PHACTR3: variants seen among roughly 807,000 people sequenced by gnomAD.
The protein encoded by PHACTR3 is protein phosphatase 1, regulatory subunit 123.
PHACTR3 carries 16 observed loss-of-function variants against 66.8 expected under a neutral mutation model. The ratio of observed to expected loss-of-function variants is 0.24; its 90% CI spans 0.16 to 0.36. PHACTR3 has a LOEUF of 0.36. Ranked by LOEUF, PHACTR3 falls within the 10% of genes least tolerant of loss-of-function variation. The probability of loss-of-function intolerance (pLI) is 1.00; values close to 1 mark genes in which losing one functional copy is unlikely to be tolerated. For missense variants in PHACTR3, 647 were observed against 719.9 expected, an observed-to-expected ratio of 0.90 and a Z score of 1.16; for synonymous variants, 323 against 292.1, an observed-to-expected ratio of 1.11 and a Z score of -1.08.
chr20:59,737,514 ATGTGTGCGTGTATG>A (rs567031787), intron 1 of PHACTR3, among the ~76,000 whole-genome samples: 4 of 130,924 alleles, frequency 3.1e-5, no homozygotes, highest in East Asian at 2.9e-4. Context: ...GTGTGCGTGC[ATGTGTGCGTGTATG>A]TGTGTGCGTG....
chr20:59,624,552 C>T (rs190905183), intron 1 of PHACTR3, among the ~76,000 whole-genome samples: 96 of 152,300 alleles, frequency 6.3e-4, no homozygotes, highest in African/African-American at 2.2e-3. Context: ...GTCTCCCTCC[C>T]ATGCTGCTCC....
At chr20:59,682,408 G>A (rs567460990) in intron 1 of PHACTR3, among the ~76,000 whole-genome samples, 2 of 152,166 alleles carry the variant, frequency 1.3e-5, no homozygotes, top group Non-Finnish European at 2.9e-5. Context: ...CAAAGTCTGC[G>A]GGGTCCCTAG....
chr20:59,770,383 TGCTTCA>T (rs2040320509), intron 5 of PHACTR3, among the ~76,000 whole-genome samples: 1 of 152,244 alleles, frequency 6.6e-6, no homozygotes, highest in African/African-American at 2.4e-5. Context: ...AAGGTTCATG[TGCTTCA>T]GCATGTGAAC....
intron 1 of PHACTR3, among the ~76,000 whole-genome samples, chr20:59,671,338 C>T (rs559392018): frequency 2.0e-5 from 3 of 152,124 alleles, no homozygotes; most frequent in Non-Finnish European, 2.9e-5. Context: ...GAGTAAGAGT[C>T]GGTTTCTCCA....
At chr20:59,591,870 C>G (rs1479020957) in intron 1 of PHACTR3, among the ~76,000 whole-genome samples, 1 of 152,086 alleles carries the variant, frequency 6.6e-6, no homozygotes, top group Non-Finnish European at 1.5e-5. Flanking sequence ...ATAAAGAATA[C>G]AGTAGGATGT....
chr20:59,838,918 TGGA>T (rs766442431), intron 9 of PHACTR3, among the ~76,000 whole-genome samples: 4 of 152,106 alleles, frequency 2.6e-5, no homozygotes, highest in African/African-American at 4.8e-5. Context: ...GAGGACTTCT[TGGA>T]GGAGGTCTCC....
chr20:59,610,315 T>G (rs1357265310), intron 1 of PHACTR3, among the ~76,000 whole-genome samples: 3 of 152,140 alleles, frequency 2.0e-5, no homozygotes, highest in Non-Finnish European at 4.4e-5. Flanking sequence ...CAGAAGCCAA[T>G]GACAATGGAC....
At chr20:59,638,378 G>A (rs1480250200) in intron 1 of PHACTR3, among the ~76,000 whole-genome samples, 1 of 143,516 alleles carries the variant, frequency 7.0e-6, no homozygotes, top group Admixed American at 6.9e-5. Context: ...GGTTGGTGGT[G>A]GATGGATGGA....
intron 8 of PHACTR3, among the ~76,000 whole-genome samples, chr20:59,827,561 C>T (rs1454309032): frequency 1.3e-5 from 2 of 152,172 alleles, no homozygotes; most frequent in East Asian, 3.9e-4. Context: ...CTTTCAGTCT[C>T]ACCAGGTGAG....
At chr20:59,577,517 C>T in exon 1 of PHACTR3, 7 of 1,132,232 alleles carry the variant, frequency 6.2e-6, no homozygotes, top group Non-Finnish European at 7.6e-6. Context: ...GGATGCGTGG[C>T]CGTGGCGGGG....
chr20:59,644,039 AC>A (rs1370521496), intron 1 of PHACTR3, among the ~76,000 whole-genome samples: 3 of 152,158 alleles, frequency 2.0e-5, no homozygotes, highest in African/African-American at 7.2e-5. Flanking sequence ...TTCCAGAGTA[AC>A]CCCTGCCTGC....
intron 9 of PHACTR3, among the ~76,000 whole-genome samples, chr20:59,838,171 G>A (rs2058997599): frequency 6.6e-6 from 1 of 152,180 alleles, no homozygotes; most frequent in South Asian, 2.1e-4. Flanking sequence ...CTAGTGTCCT[G>A]AGTGGAAGGA....
chr20:59,799,575 C>T (rs867968280), intron 7 of PHACTR3, among the ~76,000 whole-genome samples: 2 of 152,118 alleles, frequency 1.3e-5, no homozygotes, highest in Non-Finnish European at 2.9e-5. Flanking sequence ...TTCTACCTTG[C>T]TTGACATTAA....
rs530173906 is a variant in PHACTR3, at chr20:59,826,502, CCTGGCATTACAG to C, written c.1329-10002_1329-9991del. 2.6e-3 allele frequency among the ~76,000 whole-genome samples: 387 copies of C among 151,734 alleles called. 2 individuals carry two copies. Among genetic ancestry groups the C allele is most frequent in the African/African-American group, 8.6e-3 (358 of 41,522 alleles). Reference sequence around the variant, plus strand: ...TGCGCTCCCCTGCCCCAGCCTTACACCTGGCATTACAGGGCACATGCTGTCCTCACCCTGCCT... The same window carrying C: ...TGCGCTCCCCTGCCCCAGCCTTACACGGCACATGCTGTCCTCACCCTGCCT... On this transcript the variant is annotated intron_variant, in intron 8 of 12. Coordinates refer to ENST00000371015, the MANE Select transcript of PHACTR3 (RefSeq NM_080672.5).
chr20:59,836,668 A>G (rs1238003975), intron 9 of PHACTR3, 108 bp downstream of exon 9: 1 of 1,083,888 alleles, frequency 9.2e-7, no homozygotes, highest in East Asian at 2.7e-5. Flanking sequence ...GGAATGCTCC[A>G]TGCTCCCAGT....
chr20:59,581,439 G>A (rs1261658643), intron 1 of PHACTR3, among the ~76,000 whole-genome samples: 2 of 152,158 alleles, frequency 1.3e-5, no homozygotes, highest in African/African-American at 4.8e-5. Flanking sequence ...CCTGCTCCAA[G>A]CCTCACATTT....
At chr20:59,600,495 G>T (rs1568925415), upstream of PHACTR3, among the ~76,000 whole-genome samples, 2 of 152,278 alleles carry the variant, frequency 1.3e-5, no homozygotes, top group South Asian at 4.1e-4. Flanking sequence ...GTGTGTGGGG[G>T]TGGAATTGGT....
At position 59,722,260 on chromosome 20, in the gene PHACTR3, T is replaced by A. The variant is rs185614626; in HGVS notation, c.119-20847T>A. Among the ~76,000 whole-genome samples the A allele has an allele frequency of 4.2e-4, 60 of 141,436 alleles. No individual in the cohort carries two copies. In the East Asian group the frequency reaches 0.01, roughly 24 times the overall value. The allele number at this position is 141,436 out of a possible 152,430, so 92.8% of individuals were successfully genotyped here. A position where few individuals can be genotyped will look rare whatever the true frequency, so the allele number is the denominator to read the frequency against. The stretch of plus-strand genomic sequence containing the variant: ...AAAAAAAGTAAAACAAGGTGGCACC[T>A]CAGATTGAACTGAGGAAGGTACAGG... On this transcript the variant is annotated intron_variant, in intron 1 of 12. Coordinates refer to ENST00000371015, the MANE Select transcript of PHACTR3 (RefSeq NM_080672.5).
chr20:59,696,595 G>A (rs2037307113), intron 1 of PHACTR3, among the ~76,000 whole-genome samples: 1 of 152,172 alleles, frequency 6.6e-6, no homozygotes, highest in African/African-American at 2.4e-5. Context: ...ATTCAAACAT[G>A]GGCCGTTTGT....
Sources: gnomAD v4.1 joint callset for allele counts (sites outside exome capture counted in the v4.1 genomes callset) on GRCh38, gnomAD v4.1.1 for gene constraint, MANE v1.5 for transcripts, NCBI Gene and HGNC (gene_info 2026-07-23, HGNC 2026-07-21) for gene names.